The following AFG1L variants were observed in gnomAD, a reference collection of about 807,000 sequenced individuals.
The protein encoded by AFG1L is AFG1-like ATPase.
In AFG1L, 53 loss-of-function variants were observed where a neutral mutation model predicts 62.2. That is an observed-to-expected ratio of 0.85 (90% confidence interval 0.68 to 1.07). The LOEUF is 1.07. Among genes scored for constraint, AFG1L ranks in the 50% least tolerant of loss-of-function variants. The probability of loss-of-function intolerance (pLI) is 0.00; values close to 1 mark genes in which losing one functional copy is unlikely to be tolerated. For synonymous variants in AFG1L, 228 were observed against 210.3 expected, an observed-to-expected ratio of 1.08 and a Z score of -0.73; for missense variants, 555 against 590.5, an observed-to-expected ratio of 0.94 and a Z score of 0.62.
At chr6:108,436,184 T>C (rs1771297861) in intron 7 of AFG1L, among the ~76,000 whole-genome samples, 1 of 152,136 alleles carries the variant, frequency 6.6e-6, no homozygotes, top group Non-Finnish European at 1.5e-5. Flanking sequence ...CTCGCTGTGT[T>C]GCCAGGCTGG....
chr6:108,495,223 C>T (rs2114861859), intron 10 of AFG1L, among the ~76,000 whole-genome samples: 1 of 152,276 alleles, frequency 6.6e-6, no homozygotes, highest in East Asian at 1.9e-4. Context: ...AGGTACTTCT[C>T]TTTAAGATAT....
intron 1 of AFG1L, among the ~76,000 whole-genome samples, chr6:108,323,550 T>G (rs939949269): frequency 6.6e-6 from 1 of 152,112 alleles, no homozygotes; most frequent in Non-Finnish European, 1.5e-5. Flanking sequence ...TTAGTAGAGA[T>G]GTGGTTTCAC....
rs568201012 is a variant in AFG1L at position 108,397,798 on chromosome 6, G to C, written c.749-4198G>C. Among the ~76,000 whole-genome samples the C allele has an allele frequency of 2.0e-5, 3 of 152,202 alleles. No individual in the cohort carries two copies. The South Asian group carries it at 6.2e-4, about 32-fold the overall frequency. ...TGTTGCAAGTTCCATTCTTTTTTAT[G>C]GCAGAATAGTACTCCACTTTGTATA... is the stretch of plus-strand genomic sequence containing the variant. On this transcript the variant is annotated intron_variant, in intron 6 of 12. Transcript: ENST00000368977.
chr6:108,343,340 G>T (rs187874206), intron 2 of AFG1L, among the ~76,000 whole-genome samples: 4 of 142,440 alleles, frequency 2.8e-5, no homozygotes, highest in African/African-American at 9.7e-5. Flanking sequence ...GAGCCACCAC[G>T]CCCGGCCAAC....
At chr6:108,501,236 G>T (rs531287045) in intron 10 of AFG1L, among the ~76,000 whole-genome samples, 9 of 152,132 alleles carry the variant, frequency 5.9e-5, no homozygotes, top group African/African-American at 2.2e-4. Context: ...CCCATGATCC[G>T]CCTGCCTTGG....
intron 7 of AFG1L, among the ~76,000 whole-genome samples, chr6:108,419,892 C>G (rs1272270145): frequency 6.6e-6 from 1 of 152,054 alleles, no homozygotes; most frequent in African/African-American, 2.4e-5. Context: ...GATTATAACC[C>G]TTAGATAAAA....
intron 6 of AFG1L, among the ~76,000 whole-genome samples, chr6:108,371,623 C>T (rs1396543111): frequency 6.6e-6 from 1 of 152,006 alleles, no homozygotes; most frequent in East Asian, 1.9e-4. Context: ...CCTTAGCCTC[C>T]CAAAATGTTG....
intron 6 of AFG1L, among the ~76,000 whole-genome samples, chr6:108,393,753 A>G (rs901093650): frequency 5.3e-5 from 8 of 152,166 alleles, no homozygotes; most frequent in African/African-American, 1.7e-4. Context: ...TTAGTGTAGT[A>G]TCTTAGTTTT....
intron 6 of AFG1L, among the ~76,000 whole-genome samples, chr6:108,385,385 A>G (rs528205145): frequency 2.0e-5 from 3 of 152,362 alleles, no homozygotes; most frequent in East Asian, 1.9e-4. Flanking sequence ...TTAAACCACA[A>G]ATGATAGCAT....
chr6:108,403,374 A>G (rs561134193), intron 7 of AFG1L, among the ~76,000 whole-genome samples: 19 of 152,158 alleles, frequency 1.2e-4, no homozygotes, highest in Admixed American at 1.0e-3. Context: ...AATCTTTTTG[A>G]CGTGTACTTT....
At chr6:108,447,557 C>T (rs1441360945) in intron 8 of AFG1L, among the ~76,000 whole-genome samples, 1 of 152,000 alleles carries the variant, frequency 6.6e-6, no homozygotes, top group Non-Finnish European at 1.5e-5. Flanking sequence ...AATGAGTATC[C>T]TTTTATAAGA....
chr6:108,357,765 T>C (rs1406695014), intron 5 of AFG1L, among the ~76,000 whole-genome samples: 2 of 152,216 alleles, frequency 1.3e-5, no homozygotes, highest in Non-Finnish European at 2.9e-5. Flanking sequence ...TAGTGAGTTA[T>C]TTCCTGTTCT....
At chr6:108,433,269 T>C (rs1021630349) in intron 7 of AFG1L, among the ~76,000 whole-genome samples, 3 of 136,588 alleles carry the variant, frequency 2.2e-5, no homozygotes, top group African/African-American at 7.7e-5. Context: ...AACTTTATTA[T>C]TGTTATTATT....
In AFG1L at chr6:108,477,280, G is replaced by A; in HGVS notation, c.1050G>A (p.Glu350=). 1 of 1,605,802 alleles carries A rather than the reference G, an allele frequency of 6.2e-7. No homozygotes were observed. Among genetic ancestry groups the A allele is most frequent in the Non-Finnish European group, 8.5e-7 (1 of 1,174,118 alleles). The change falls in exon 10 of 13, where the codon GAG becomes GAA. Residue 350 remains glutamate (E), a synonymous_variant. Transcript: ENST00000368977. ...CCGTTGCCGACTGCACATTTGAAGA[G>A]CTGTGTGAGAGAGTAAGTATCCAGG... ...CGTVADCTFE[E]LCERPLGASD...
At position 108,365,973 on chromosome 6, in the gene AFG1L, C is replaced by T. The variant is rs554629633; in HGVS notation, c.649-260C>T. 2.0e-5 allele frequency among the ~76,000 whole-genome samples: 3 copies of T among 152,030 alleles called. No individual in the cohort carries two copies. The South Asian group carries it at 6.2e-4, about 32-fold the overall frequency. Reference sequence around the variant, plus strand: ...TAGGACAATTATCTATGCTTTCCACCTGTAGTTCTATAAAAGAAGTTATCA... The same window carrying T: ...TAGGACAATTATCTATGCTTTCCACTTGTAGTTCTATAAAAGAAGTTATCA... On this transcript the variant is annotated intron_variant, in intron 5 of 12. Transcript: ENST00000368977.
intron 4 of AFG1L, 88 bp from the exon 5 acceptor site, chr6:108,356,602 A>C: frequency 1.1e-6 from 1 of 890,392 alleles, no homozygotes; most frequent in South Asian, 2.9e-5. Flanking sequence ...GTCCATACTA[A>C]AGTTTCATTT....
intron 8 of AFG1L, among the ~76,000 whole-genome samples, chr6:108,468,384 A>G (rs1357384754): frequency 1.3e-5 from 2 of 152,196 alleles, no homozygotes; most frequent in East Asian, 3.8e-4. Flanking sequence ...ACACTATACC[A>G]TTATCTTCAA....
chr6:108,503,465 A>C (rs972696111), intron 10 of AFG1L, among the ~76,000 whole-genome samples: 3 of 152,172 alleles, frequency 2.0e-5, no homozygotes, highest in Non-Finnish European at 4.4e-5. Flanking sequence ...ATGAGCAGTA[A>C]TCTTTTGAAA....
At chr6:108,387,602 C>T (rs1476138120) in intron 6 of AFG1L, 3 of 152,232 alleles carry the variant, frequency 2.0e-5, no homozygotes, top group Non-Finnish European at 4.4e-5. Context: ...ACTCTAAGAT[C>T]AGTTCAACAA....
Sources: gnomAD v4.1 joint callset for allele counts (sites outside exome capture counted in the v4.1 genomes callset) on GRCh38, gnomAD v4.1.1 for gene constraint, MANE v1.5 for transcripts, NCBI Gene and HGNC (gene_info 2026-07-23, HGNC 2026-07-21) for gene names.